CHADL: variants seen among roughly 807,000 people sequenced by gnomAD.
CHADL encodes the protein chondroadherin like, also known as chondroadherin-like protein.
CHADL carries 48 observed loss-of-function variants against 52.1 expected under a neutral mutation model. That is an observed-to-expected ratio of 0.92 (90% CI 0.73 to 1.17). CHADL has a LOEUF of 1.17. Among genes scored for constraint, CHADL ranks in the 50% most tolerant of loss-of-function variants. The pLI is 0.00. For synonymous variants in CHADL, 498 were observed against 511.2 expected (o/e 0.97, Z 0.35); for missense variants, 977 against 1,035.1 (o/e 0.94, Z 0.77).
intron 1 of CHADL, among the ~76,000 whole-genome samples, chr22:41,240,365 A>G (rs1210470447): frequency 2.0e-5 from 3 of 152,148 alleles, no homozygotes; most frequent in Admixed American, 6.5e-5. Flanking sequence ...CGCTAGGATG[A>G]TAGATCACCT....
chr22:41,236,559 C>A lies in CHADL; in HGVS notation c.1988G>T (p.Ser663Ile). The A allele has an allele frequency of 6.4e-7, 1 of 1,551,486 alleles. No individual in the cohort carries two copies. The stretch of plus-strand genomic sequence containing the variant: ...GTCGATGAGCTCCAGCTGGCTGAGA[C>A]TGGGCAGGGCAGGCAGGGCCCGAAG... ...NQLRALPALPSLSQLELIDLS... is the reference protein window; with the variant it reads ...NQLRALPALPILSQLELIDLS... Residue 663 changes from serine (S) to isoleucine (I), a missense_variant, in exon 4 of 6, where the codon AGT becomes ATT. Ser to Ile is a moderately radical substitution (Grantham distance 142). Coordinates refer to ENST00000216241, the MANE Select transcript of CHADL (RefSeq NM_138481.2).
rs1374535618 is a variant in CHADL at position 41,237,672 on chromosome 22, C to T, written c.1400G>A (p.Gly467Asp). The change falls in exon 3 of 6, where the codon GGC becomes GAC. Residue 467 changes from glycine to aspartate, a missense_variant. Transcript: ENST00000216241. ...CAGGCGGCCCAGCCCGGCCAGGGCG[C>T]CCGCTTCCAGCTCCGCGATGCCGCA... is the stretch of plus-strand genomic sequence containing the variant. Reference protein sequence around the residue: ...QHCGIAELEAGALAGLGRLIY... With the variant: ...QHCGIAELEADALAGLGRLIY... 3 of 1,542,742 alleles carry T rather than the reference C, an allele frequency of 1.9e-6. No homozygotes were observed. Among genetic ancestry groups the T allele is most frequent in the Non-Finnish European group, 2.6e-6 (3 of 1,141,858 alleles).
In CHADL at chr22:41,238,086, C is replaced by A. The variant is rs1279207528; in HGVS notation, c.986G>T (p.Arg329Leu). The A allele has an allele frequency of 2.3e-6, 3 of 1,287,452 alleles. No homozygotes were observed. Among genetic ancestry groups the A allele is most frequent in the East Asian group, 6.3e-5 (2 of 31,516 alleles). The allele number at this position is 1,287,452 out of a possible 1,614,324, so 79.8% of individuals were successfully genotyped here. Residue 329 changes from arginine to leucine, a missense_variant, in exon 3 of 6, where the codon CGC (arginine) becomes CTC (leucine). Arg to Leu is a moderately radical substitution (Grantham distance 102). Coordinates refer to ENST00000216241, the MANE Select transcript of CHADL (RefSeq NM_138481.2). The surrounding 1 kb of genome is among the most constrained non-coding windows in gnomAD (Gnocchi z 4.9). Reference sequence around the variant, plus strand: ...CTGGCACGCGCCGTCCGAGCGCACGCGCGCCCGCGCCAGCCACTCGAGTAG... The same window carrying A: ...CTGGCACGCGCCGTCCGAGCGCACGAGCGCCCGCGCCAGCCACTCGAGTAG... The part of the protein sequence containing the change: ...RPLLEWLARA[R>L]VRSDGACQGP...
intron 1 of CHADL, 99 bp downstream of exon 1, chr22:41,240,775 G>T: frequency 7.0e-7 from 1 of 1,431,714 alleles, no homozygotes; most frequent in East Asian, 2.5e-5. Flanking sequence ...CAGAGCCCCT[G>T]CCCGCCAGCC....
rs2032790493 is a variant in CHADL at position 41,238,349 on chromosome 22, C to A, written c.723G>T (p.Pro241=). Reference sequence around the variant, plus strand: ...CGTCCTCCTCGCCCGCGTAGGTGAGCGGGTTGTGGCCCAGCTCCAGACGGG... The same window carrying A: ...CGTCCTCCTCGCCCGCGTAGGTGAGAGGGTTGTGGCCCAGCTCCAGACGGG... ...GLARLELGHN[P]LTYAGEEDGL... is the part of the protein sequence containing the mutation. Residue 241 remains proline (P), a synonymous_variant, in exon 3 of 6, where the codon CCG becomes CCT. Transcript: ENST00000216241. The surrounding 1 kb of genome is among the most constrained non-coding windows in gnomAD (Gnocchi z 4.9). 2.7e-6 allele frequency: 4 copies of A among 1,507,454 alleles called. No individual in the cohort carries two copies. Among genetic ancestry groups the A allele is most frequent in the African/African-American group, 1.4e-5 (1 of 71,484 alleles). The allele number at this position is 1,507,454 out of a possible 1,614,324, so 93.4% of individuals were successfully genotyped here.
In CHADL at chr22:41,237,834, C is replaced by T; in HGVS notation, c.1238G>A (p.Gly413Asp). The T allele has an allele frequency of 3.4e-6, 5 of 1,469,060 alleles. No individual in the cohort carries two copies. Among genetic ancestry groups the T allele is most frequent in the Non-Finnish European group, 4.5e-6 (5 of 1,112,816 alleles). The allele number at this position is 1,469,060 out of a possible 1,614,324, so 91.0% of individuals were successfully genotyped here. The change falls in exon 3 of 6, where the codon GGC becomes GAC. Residue 413 changes from glycine to aspartate, a missense_variant. Physicochemically the swap from Gly to Asp is moderately conservative, Grantham distance 94. Coordinates refer to ENST00000216241, the MANE Select transcript of CHADL (RefSeq NM_138481.2). ...GCGGGGCACCGCCTGCAGGCCGCAG[C>T]CCTCGCAGCTGCTGTGCCGGGACTC... ...VPESRHSSCEGCGLQAVPRGF... is the reference protein window; with the variant it reads ...VPESRHSSCEDCGLQAVPRGF...
At position 41,238,700 on chromosome 22, in the gene CHADL, C is replaced by CG; in HGVS notation, c.371_372insC (p.Glu124AspfsTer371). On this transcript the variant is annotated frameshift_variant, in exon 3 of 6. Transcript: ENST00000216241. LOFTEE classifies it high-confidence loss of function. This position sits in a 1 kb window ranked among gnomAD's most constrained non-coding sequence, Gnocchi z 4.9. ...GCCCGTCCAGCGCCTCCTGGGGCAGCTCACGCAGGTGGTTGGAGGCCAGGT... is the reference window on the plus strand; with the variant it reads ...GCCCGTCCAGCGCCTCCTGGGGCAGCGTCACGCAGGTGGTTGGAGGCCAGGT... 4 of 1,547,056 alleles carry CG rather than the reference C, an allele frequency of 2.6e-6. No homozygotes were observed. The highest frequency in any genetic ancestry group is 3.5e-6 in the Non-Finnish European group (4 of 1,146,010).
Position 41,237,378 on chromosome 22 carries a change from A to G in CHADL, c.1694T>C (p.Leu565Pro). 1.3e-6 allele frequency: 2 copies of G among 1,550,654 alleles called. No homozygotes were observed. The change falls in exon 3 of 6, where the codon CTG (leucine) becomes CCG (proline). Residue 565 changes from leucine (L) to proline (P), a missense_variant. Physicochemically the swap from Leu to Pro is moderately conservative, Grantham distance 98. Coordinates refer to ENST00000216241, the MANE Select transcript of CHADL (RefSeq NM_138481.2). ...NRITEVSLGA[L>P]GPARELEKLH... ...CTTCTCCAGCTCCCGAGCTGGGCCCAGCGCCCCAAGGGACACTTCGGTGAT... is the reference window on the plus strand; with the variant it reads ...CTTCTCCAGCTCCCGAGCTGGGCCCGGCGCCCCAAGGGACACTTCGGTGAT...
rs1173516538 is a variant in CHADL, at chr22:41,238,010, G to C, written c.1062C>G (p.Asp354Glu). Residue 354 changes from aspartate to glutamate, a missense_variant, in exon 3 of 6, where the codon GAC becomes GAG. By Grantham distance (45) the Asp-to-Glu change is conservative (BLOSUM62 2). Transcript: ENST00000216241. This position sits in a 1 kb window ranked among gnomAD's most constrained non-coding sequence, Gnocchi z 4.9. ...GCGCCGCGTCCCCAGGGCAGCGCAG[G>C]TCCCAGGGCCGCAGGGCGTCCAGAG... ...GEALDALRPW[D>E]LRCPGDAAQE... The C allele has an allele frequency of 7.8e-7, 1 of 1,282,320 alleles. No individual in the cohort carries two copies. Among genetic ancestry groups the C allele is most frequent in the East Asian group, 3.3e-5 (1 of 30,354 alleles). The allele number at this position is 1,282,320 out of a possible 1,614,324, so 79.4% of individuals were successfully genotyped here. A position where few individuals can be genotyped will look rare whatever the true frequency, so the allele number is the denominator to read the frequency against.
chr22:41,233,837 C>A (rs2032683635), intron 5 of CHADL, among the ~76,000 whole-genome samples: 2 of 152,152 alleles, frequency 1.3e-5, no homozygotes. Context: ...GGAGATAGAG[C>A]CCTCTCCCCA....
Position 41,239,609 on chromosome 22 carries a change from G to A in CHADL, c.20C>T (p.Ser7Phe). 1 of 1,531,958 alleles carries A rather than the reference G, an allele frequency of 6.5e-7. No individual in the cohort carries two copies. The highest frequency in any genetic ancestry group is 1.2e-5 in the South Asian group (1 of 82,634). 94.9% of individuals were successfully genotyped at this position (1,531,958 alleles called of 1,614,324 possible). A position where few individuals can be genotyped will look rare whatever the true frequency, so the allele number is the denominator to read the frequency against. The change falls in exon 2 of 6, where the codon TCC becomes TTC. Residue 7 changes from serine (S) to phenylalanine (F), a missense_variant. Ser to Phe is a radical substitution (Grantham distance 155, BLOSUM62 -2). Coordinates refer to ENST00000216241, the MANE Select transcript of CHADL (RefSeq NM_138481.2). ...CGGCAGCACCAAGGGGACATGGGTG[G>A]AGCTCCGGGGCCTGGGACGGGGAGG... MEGPRS[S>F]THVPLVLPLL...
Position 41,237,327 on chromosome 22 carries a change from C to A in CHADL, c.1745G>T (p.Arg582Leu). 6.4e-7 allele frequency: 1 copy of A among 1,550,662 alleles called. No individual in the cohort carries two copies. Among genetic ancestry groups the A allele is most frequent in the African/African-American group, 1.4e-5 (1 of 73,174 alleles). The change falls in exon 3 of 6, where the codon CGA becomes CTA. Residue 582 changes from arginine (R) to leucine (L), a missense_variant. By Grantham distance (102) the Arg-to-Leu change is moderately radical. Transcript: ENST00000216241. ...EKLHLDRNQL[R>L]EVPTGALEGL... The stretch of plus-strand genomic sequence containing the variant: ...CTCCAAGGCCCCAGTGGGCACCTCT[C>A]GCAGCTGATTCCTGTCCAGGTGCAG...
At position 41,238,584 on chromosome 22, in the gene CHADL, AGCGTGGCCAGCGCACCCAGT is replaced by A. The variant is rs1179549404; in HGVS notation, c.468_487del (p.Leu157LysfsTer331). 6.5e-7 allele frequency: 1 copy of A among 1,545,764 alleles called. No individual in the cohort carries two copies. Among genetic ancestry groups the A allele is most frequent in the East Asian group, 2.4e-5 (1 of 40,878 alleles). The stretch of plus-strand genomic sequence containing the variant: ...AACCAGGGCGTTGTGGGCCAGGTTT[AGCGTGGCCAGCGCACCCAGT>A]GCCCCGAACGTCCCCGGCCGCAGCT... On this transcript the variant is annotated frameshift_variant, in exon 3 of 6. Coordinates refer to ENST00000216241, the MANE Select transcript of CHADL (RefSeq NM_138481.2). LOFTEE classifies it high-confidence loss of function. The surrounding 1 kb of genome is among the most constrained non-coding windows in gnomAD (Gnocchi z 4.9).
In CHADL at chr22:41,236,512, A is replaced by T; in HGVS notation, c.2035T>A (p.Cys679Ser). Residue 679 changes from cysteine (C) to serine (S), a missense_variant, in exon 4 of 6, where the codon TGT (cysteine) becomes AGT (serine). By Grantham distance (112) the Cys-to-Ser change is moderately radical. Coordinates refer to ENST00000216241, the MANE Select transcript of CHADL (RefSeq NM_138481.2). Reference protein sequence around the residue: ...LIDLSSNPFHCDCQLLPLHRW... With the variant: ...LIDLSSNPFHSDCQLLPLHRW... ...TGCAGCGGAAGCAGCTGGCAGTCAC[A>T]GTGGAAGGGATTGCTGCTGAGGTCG... is the stretch of plus-strand genomic sequence containing the variant. The T allele has an allele frequency of 6.4e-7, 1 of 1,551,380 alleles. No individual in the cohort carries two copies.
intron 5 of CHADL, among the ~76,000 whole-genome samples, chr22:41,232,153 A>G (rs1017902046): frequency 6.6e-6 from 1 of 151,846 alleles, no homozygotes; most frequent in East Asian, 1.9e-4. Context: ...TAACACGATG[A>G]AACCCTGTCT....
intron 5 of CHADL, chr22:41,231,135 C>T (rs2032567599): frequency 6.6e-6 from 1 of 152,178 alleles, no homozygotes; most frequent in Non-Finnish European, 1.5e-5. Flanking sequence ...AATGAAGAAA[C>T]CATGCCTGGA....
chr22:41,238,326 T>C lies in CHADL; in HGVS notation c.746A>G (p.Asp249Gly). ...CCGCAGGCCGGGCAGCGCCAGCCCG[T>C]CCTCCTCGCCCGCGTAGGTGAGCGG... ...HNPLTYAGEE[D>G]GLALPGLREL... Residue 249 changes from aspartate to glycine, a missense_variant, in exon 3 of 6, where the codon GAC (aspartate) becomes GGC (glycine). Asp to Gly is a moderately conservative substitution (Grantham distance 94). Transcript: ENST00000216241. The surrounding 1 kb of genome is among the most constrained non-coding windows in gnomAD (Gnocchi z 4.9). The C allele has an allele frequency of 6.6e-7, 1 of 1,521,794 alleles. No individual in the cohort carries two copies. Among genetic ancestry groups the C allele is most frequent in the Non-Finnish European group, 8.8e-7 (1 of 1,141,194 alleles). The allele number at this position is 1,521,794 out of a possible 1,614,324, so 94.3% of individuals were successfully genotyped here.
intron 5 of CHADL, among the ~76,000 whole-genome samples, chr22:41,232,221 A>T (rs1272197456): frequency 6.6e-6 from 1 of 151,406 alleles, no homozygotes; most frequent in East Asian, 1.9e-4. Context: ...AATCCCAGCT[A>T]CTCGGGAGGC....
chr22:41,236,423 A>G (rs2032740516), intron 4 of CHADL, 61 bp downstream of exon 4: 8 of 1,446,594 alleles, frequency 5.5e-6, no homozygotes, highest in Middle Eastern at 1.7e-4. Context: ...GGGAGATGAC[A>G]GGGGCTTGAC....
Sources: gnomAD v4.1 joint callset for allele counts (sites outside exome capture counted in the v4.1 genomes callset) on GRCh38, gnomAD v4.1.1 for gene constraint, Gnocchi (gnomAD v3.1) non-coding constraint, MANE v1.5 for transcripts, NCBI Gene and HGNC (gene_info 2026-07-23, HGNC 2026-07-21) for gene names.